DHX57: variants seen among roughly 807,000 people sequenced by gnomAD.
DHX57 encodes the protein DExH-box helicase 57.
DHX57 carries 105 observed loss-of-function variants against 156.2 expected under a neutral mutation model. The ratio of observed to expected loss-of-function variants is 0.67; its 90% CI spans 0.57 to 0.79. DHX57 has a LOEUF of 0.79. Among genes scored for constraint, DHX57 ranks in the 30% least tolerant of loss-of-function variants. The probability of loss-of-function intolerance (pLI) is 0.00; values close to 1 mark genes in which losing one functional copy is unlikely to be tolerated. For synonymous variants in DHX57, 704 were observed against 595.6 expected (o/e 1.18, Z -2.65); for missense variants, 1,847 against 1,661.9 (o/e 1.11, Z -1.94).
At chr2:38,846,945 C>T (rs1672319500) in intron 11 of DHX57, 74 bp downstream of exon 11, 1 of 1,352,010 alleles carries the variant, frequency 7.4e-7, no homozygotes, top group Non-Finnish European at 1.0e-6. Flanking sequence ...CTTTGCCTTC[C>T]AAAGTGCTAG....
intron 1 of DHX57, among the ~76,000 whole-genome samples, chr2:38,871,747 C>T (rs1665363708): frequency 6.7e-6 from 1 of 149,188 alleles, no homozygotes; most frequent in Non-Finnish European, 1.5e-5. Context: ...CACTCTGTTG[C>T]CCCAGCTGGA....
intron 9 of DHX57, among the ~76,000 whole-genome samples, chr2:38,851,330 C>G (rs1325706935): frequency 6.6e-6 from 1 of 152,142 alleles, no homozygotes; most frequent in Non-Finnish European, 1.5e-5. Flanking sequence ...ATCATGTCAT[C>G]TCTGTGATTA....
intron 19 of DHX57, among the ~76,000 whole-genome samples, chr2:38,818,459 G>A (rs547787147): frequency 1.1e-4 from 16 of 152,174 alleles, no homozygotes; most frequent in African/African-American, 2.6e-4. Flanking sequence ...CCTGGGAGGC[G>A]GAGGATGCAA....
At chr2:38,814,278 TTTA>T (rs1173901534) in intron 20 of DHX57, among the ~76,000 whole-genome samples, 1 of 152,156 alleles carries the variant, frequency 6.6e-6, no homozygotes, top group Non-Finnish European at 1.5e-5. Flanking sequence ...GATTTACCGT[TTTA>T]TTATATTTGA....
chr2:38,865,431 G>C (rs1413704026), intron 2 of DHX57, among the ~76,000 whole-genome samples: 3 of 152,092 alleles, frequency 2.0e-5, no homozygotes, highest in Admixed American at 2.0e-4. Flanking sequence ...TCCCCTTTCA[G>C]CATGATTGTA....
At chr2:38,826,850 G>C (rs1671111660) in intron 14 of DHX57, among the ~76,000 whole-genome samples, 161 bp from the exon 15 acceptor site, 2 of 152,180 alleles carry the variant, frequency 1.3e-5, no homozygotes, top group East Asian at 3.9e-4. Context: ...TAAAGTCTTG[G>C]CCGGGTACGG....
intron 11 of DHX57, among the ~76,000 whole-genome samples, chr2:38,843,988 A>T (rs1351752283): frequency 6.6e-6 from 1 of 152,060 alleles, no homozygotes; most frequent in Non-Finnish European, 1.5e-5. Flanking sequence ...TTTATGTTTC[A>T]TTTCTCTATG....
intron 23 of DHX57, among the ~76,000 whole-genome samples, chr2:38,800,310 C>A (rs889858442): frequency 3.3e-5 from 5 of 151,552 alleles, no homozygotes; most frequent in Non-Finnish European, 5.9e-5. Context: ...ACCGAGATTG[C>A]GCCACTGCAC....
chr2:38,808,878 C>T (rs1558355175), intron 21 of DHX57, among the ~76,000 whole-genome samples: 4 of 152,038 alleles, frequency 2.6e-5, no homozygotes, highest in South Asian at 2.1e-4. Flanking sequence ...CCCACCTGGG[C>T]CTCCCAAAAT....
Position 38,834,556 on chromosome 2 carries a change from A to G in DHX57, c.2542+3275T>C, listed in dbSNP as rs182536210. On this transcript the variant is annotated intron_variant, in intron 13 of 23. Coordinates refer to ENST00000457308, the MANE Select transcript of DHX57 (RefSeq NM_198963.3). ...GTTTTGTCAGAATATTGTATATTAT[A>G]GTAAAAAGTGATCTCTGTGGTTCTT... Among the ~76,000 whole-genome samples the G allele has an allele frequency of 4.6e-5, 7 of 152,324 alleles. No homozygotes were observed. The East Asian group carries it at 1.3e-3, about 29-fold the overall frequency.
At chr2:38,854,430 G>T in intron 8 of DHX57, 1 of 275,322 alleles carries the variant, frequency 3.6e-6, no homozygotes, top group Non-Finnish European at 6.9e-6. Flanking sequence ...TTCTCAATCT[G>T]TCTGCTCCTT....
chr2:38,838,869 C>G (rs1158668279), intron 12 of DHX57: 1 of 435,404 alleles, frequency 2.3e-6, no homozygotes, highest in African/African-American at 2.0e-5. Flanking sequence ...CCTAATCTAT[C>G]TGCGATCTGG....
intron 21 of DHX57, 119 bp downstream of exon 21, chr2:38,813,702 C>CAT: frequency 8.6e-7 from 1 of 1,162,484 alleles, no homozygotes; most frequent in Non-Finnish European, 1.2e-6. Flanking sequence ...AAAGGGTGTG[C>CAT]GTGTGTGCAC....
At chr2:38,815,698 A>G (rs1406721856) in intron 19 of DHX57, 43 bp from the exon 20 acceptor site, 1 of 1,613,260 alleles carries the variant, frequency 6.2e-7, no homozygotes, top group Non-Finnish European at 8.5e-7. Flanking sequence ...CATCAGCATA[A>G]CAAAGTGTTA....
intron 3 of DHX57, 47 bp from the exon 4 acceptor site, chr2:38,862,380 C>T: frequency 7.1e-7 from 1 of 1,413,916 alleles, no homozygotes; most frequent in Non-Finnish European, 9.3e-7. Flanking sequence ...TTTCTACTTA[C>T]TTCAAAGAAA....
At chr2:38,854,230 A>T in intron 8 of DHX57, 52 bp from the exon 9 acceptor site, 1 of 1,583,280 alleles carries the variant, frequency 6.3e-7, no homozygotes, top group Non-Finnish European at 8.6e-7. Context: ...CAAAAAAAGG[A>T]AACATTACTG....
At chr2:38,873,976 T>C (rs756853512) in intron 1 of DHX57, among the ~76,000 whole-genome samples, 10 of 152,150 alleles carry the variant, frequency 6.6e-5, no homozygotes, top group Non-Finnish European at 8.8e-5. Context: ...CCCCCATGTA[T>C]ACCAAAATCC....
chr2:38,822,270 G>T (rs145677118), intron 17 of DHX57, among the ~76,000 whole-genome samples: 4 of 151,972 alleles, frequency 2.6e-5, no homozygotes, highest in African/African-American at 7.3e-5. Flanking sequence ...TAGTAGAGAC[G>T]GGGTTTCTCC....
At chr2:38,811,754 A>G in intron 21 of DHX57, 1 of 508,300 alleles carries the variant, frequency 2.0e-6, no homozygotes, top group Non-Finnish European at 3.6e-6. Flanking sequence ...GCAACAGAGC[A>G]GGGCCCACGT....
Sources: gnomAD v4.1 joint callset for allele counts (sites outside exome capture counted in the v4.1 genomes callset) on GRCh38, gnomAD v4.1.1 for gene constraint, MANE v1.5 for transcripts, NCBI Gene and HGNC (gene_info 2026-07-23, HGNC 2026-07-21) for gene names.